Variants in PRKCE observed in about 807,000 individuals in gnomAD.
PRKCE encodes the protein protein kinase C epsilon.
In PRKCE, 16 loss-of-function variants were observed where a neutral mutation model predicts 85.4. The ratio of observed to expected loss-of-function variants is 0.19; its 90% confidence interval spans 0.13 to 0.28. The LOEUF is 0.28. Ranked by LOEUF, PRKCE falls within the 10% of genes least tolerant of loss-of-function variation. The probability of loss-of-function intolerance (pLI) is 1.00; values close to 1 mark genes in which losing one functional copy is unlikely to be tolerated. For synonymous variants in PRKCE, 388 were observed against 371.5 expected (o/e 1.04, Z -0.51); for missense variants, 573 against 975.2 (o/e 0.59, Z 5.49).
intron 1 of PRKCE, among the ~76,000 whole-genome samples, chr2:45,673,643 A>G (rs779263230): frequency 1.3e-5 from 2 of 152,200 alleles, no homozygotes; most frequent in African/African-American, 4.8e-5. Context: ...AAAGACTAAA[A>G]CTTTGTTTTT....
chr2:45,744,049 A>C (rs1057191299), intron 1 of PRKCE, among the ~76,000 whole-genome samples: 6 of 151,694 alleles, frequency 4.0e-5, no homozygotes, highest in South Asian at 2.1e-4. Context: ...TATGGGAGAA[A>C]GGCAGAGAGT....
chr2:45,752,823 C>T (rs1181826792), intron 1 of PRKCE, among the ~76,000 whole-genome samples: 1 of 152,152 alleles, frequency 6.6e-6, no homozygotes, highest in African/African-American at 2.4e-5. Flanking sequence ...AGACAGAGTA[C>T]TCCGTGGGGT....
At chr2:46,082,204 A>C (rs966518858) in intron 10 of PRKCE, among the ~76,000 whole-genome samples, 3 of 152,134 alleles carry the variant, frequency 2.0e-5, no homozygotes, top group African/African-American at 7.2e-5. Flanking sequence ...AAATGTGGGG[A>C]GCATCAGAAG....
At chr2:45,976,616 T>A in intron 3 of PRKCE, 28 bp downstream of exon 3, 2 of 1,594,832 alleles carry the variant, frequency 1.3e-6, no homozygotes, top group Non-Finnish European at 1.7e-6. Context: ...GAACCTCTAA[T>A]TACAACATCT....
chr2:45,984,084 C>G (rs1350875936), intron 5 of PRKCE, among the ~76,000 whole-genome samples: 2 of 151,796 alleles, frequency 1.3e-5, no homozygotes, highest in African/African-American at 2.4e-5. Flanking sequence ...ATTACAGGCT[C>G]GCACCACCAT....
intron 6 of PRKCE, among the ~76,000 whole-genome samples, chr2:45,999,323 C>G (rs1297418061): frequency 6.6e-6 from 1 of 152,080 alleles, no homozygotes. Flanking sequence ...TTAATTTCTC[C>G]TTCACTTTTG....
intron 1 of PRKCE, among the ~76,000 whole-genome samples, chr2:45,744,487 T>TTTC (rs1558623860): frequency 0.017 from 541 of 30,992 alleles, 14 homozygotes; most frequent in African/African-American, 0.026. Flanking sequence ...CTTTCTTTCT[T>TTTC]TTTCTTTCTT....
At chr2:45,975,489 C>A (rs911113097) in intron 2 of PRKCE, among the ~76,000 whole-genome samples, 2 of 152,160 alleles carry the variant, frequency 1.3e-5, no homozygotes, top group Admixed American at 1.3e-4. Context: ...TCTTCCTCCT[C>A]TTATAAGGAC....
At chr2:46,084,496 G>A (rs1669391757) in intron 10 of PRKCE, among the ~76,000 whole-genome samples, 1 of 152,044 alleles carries the variant, frequency 6.6e-6, no homozygotes, top group African/African-American at 2.4e-5. Context: ...GGCCAAGGCG[G>A]GTGGATCACG....
chr2:46,117,379 T>C (rs1672877977), intron 11 of PRKCE, among the ~76,000 whole-genome samples: 1 of 152,164 alleles, frequency 6.6e-6, no homozygotes, highest in Non-Finnish European at 1.5e-5. Context: ...GTAGATCTGA[T>C]TTCTGAAAAT....
At chr2:45,669,570 G>A (rs1389826485) in intron 1 of PRKCE, among the ~76,000 whole-genome samples, 2 of 152,178 alleles carry the variant, frequency 1.3e-5, no homozygotes, top group Non-Finnish European at 2.9e-5. Flanking sequence ...GTATAAAAAA[G>A]GGAGAAATGG....
intron 2 of PRKCE, among the ~76,000 whole-genome samples, chr2:45,964,377 C>T (rs1019636481): frequency 6.6e-6 from 1 of 152,214 alleles, no homozygotes; most frequent in Non-Finnish European, 1.5e-5. Context: ...TGCTCAGTTT[C>T]CTGTGATTCA....
intron 1 of PRKCE, among the ~76,000 whole-genome samples, chr2:45,726,183 G>T (rs562680678): frequency 1.3e-5 from 2 of 152,260 alleles, no homozygotes; most frequent in Admixed American, 6.5e-5. Flanking sequence ...TGACAACAAA[G>T]GATTTAGAAT....
At chr2:46,111,448 G>A (rs1434933751) in intron 11 of PRKCE, among the ~76,000 whole-genome samples, 2 of 152,078 alleles carry the variant, frequency 1.3e-5, no homozygotes, top group Non-Finnish European at 2.9e-5. Context: ...GAAAACTTTC[G>A]TCACACCAAA....
chr2:46,157,907 A>C (rs560625810), intron 13 of PRKCE, among the ~76,000 whole-genome samples: 2 of 152,336 alleles, frequency 1.3e-5, no homozygotes, highest in East Asian at 1.9e-4. Context: ...GCTACTGCCT[A>C]TGTGAAGGTG....
intron 2 of PRKCE, among the ~76,000 whole-genome samples, chr2:45,949,402 G>GTTTTTT (rs35033431): frequency 8.4e-6 from 1 of 118,746 alleles, no homozygotes; most frequent in Non-Finnish European, 1.7e-5. Flanking sequence ...TATTTTGCTT[G>GTTTTTT]TTTTTTTTTT....
At position 45,652,556 on chromosome 2, in the gene PRKCE, T is replaced by G; in HGVS notation, c.348+108T>G. The stretch of plus-strand genomic sequence containing the variant: ...CCGGGACTTATTGACGACTGGGGTG[T>G]GTGTGCCTGTAAGTCTCAGTTTCCT... On this transcript the variant is annotated intron_variant, in intron 1 of 14. Coordinates refer to ENST00000306156, the MANE Select transcript of PRKCE (RefSeq NM_005400.3). The surrounding 1 kb of genome is among the most constrained non-coding windows in gnomAD (Gnocchi z 7.7). 1 of 1,069,992 alleles carries G rather than the reference T, an allele frequency of 9.3e-7. No homozygotes were observed. The highest frequency in any genetic ancestry group is 1.6e-5 in the South Asian group (1 of 60,872). 66.3% of individuals were successfully genotyped at this position (1,069,992 alleles called of 1,614,324 possible).
chr2:45,929,726 C>G (rs898619265), intron 2 of PRKCE, among the ~76,000 whole-genome samples: 4 of 151,952 alleles, frequency 2.6e-5, no homozygotes, highest in Non-Finnish European at 5.9e-5. Flanking sequence ...CTTCCCCCCA[C>G]CCCCAGGACC....
chr2:45,913,502 T>A lies in PRKCE; in HGVS notation c.413-62927T>A, dbSNP rs564165044. 3.9e-5 allele frequency among the ~76,000 whole-genome samples: 6 copies of A among 152,200 alleles called. No homozygotes were observed. The South Asian group carries it at 6.2e-4, about 16-fold the overall frequency. On this transcript the variant is annotated intron_variant, in intron 2 of 14. Coordinates refer to ENST00000306156, the MANE Select transcript of PRKCE (RefSeq NM_005400.3). Reference sequence around the variant, plus strand: ...ACTCCCTGCTCAGTGGAGCTCTGGGTTCTGGTGTTCCTTGGATTAAATGAC... The same window carrying A: ...ACTCCCTGCTCAGTGGAGCTCTGGGATCTGGTGTTCCTTGGATTAAATGAC...
Sources: allele counts gnomAD v4.1 joint callset (sites outside exome capture counted in the v4.1 genomes callset), GRCh38; gene constraint gnomAD v4.1.1; non-coding constraint Gnocchi (gnomAD v3.1); transcripts MANE v1.5; gene names NCBI Gene and HGNC (gene_info 2026-07-23, HGNC 2026-07-21).